The following USH1C variants were observed in gnomAD, a reference collection of about 807,000 sequenced individuals.
The protein encoded by USH1C is USH1 protein network component harmonin, also known as harmonin.
A neutral mutation model predicts 119.3 loss-of-function variants in USH1C; 90 were observed. That is an observed-to-expected ratio of 0.75 (90% CI 0.64 to 0.90). The LOEUF (loss-of-function observed/expected upper bound fraction) is 0.90, where lower values mean the gene tolerates loss of function less well. USH1C is among the 40% of genes least tolerant of loss of function. The probability of loss-of-function intolerance (pLI) is 0.00; values close to 1 mark genes in which losing one functional copy is unlikely to be tolerated. For missense variants in USH1C, 1,165 were observed against 1,167.7 expected (o/e 1.00, Z 0.03); for synonymous variants, 465 against 443.3 (o/e 1.05, Z -0.62).
At chr11:17,494,511 TG>T (rs975785021) in intron 26 of USH1C, 135 bp from the exon 27 acceptor site, 49 of 990,614 alleles carry the variant, frequency 4.9e-5, no homozygotes, top group Middle Eastern at 2.9e-4. Context: ...GAGACCCCTC[TG>T]GGTGCAGGCC....
At chr11:17,533,026 A>G (rs949542258) in intron 2 of USH1C, among the ~76,000 whole-genome samples, 16 of 152,218 alleles carry the variant, frequency 1.1e-4, no homozygotes, top group Non-Finnish European at 1.9e-4. Flanking sequence ...ACCTGAAAAC[A>G]GAGACCAATC....
intron 1 of USH1C, among the ~76,000 whole-genome samples, chr11:17,536,359 G>C (rs78484388): frequency 0.011 from 1,717 of 152,330 alleles, 36 homozygotes; most frequent in African/African-American, 0.037. Flanking sequence ...TCAGTAGTGA[G>C]GAACTGTCCT....
chr11:17,530,383 G>T (rs1850907772), intron 4 of USH1C, among the ~76,000 whole-genome samples: 1 of 152,184 alleles, frequency 6.6e-6, no homozygotes, highest in South Asian at 2.1e-4. Flanking sequence ...GCAGTCAGGA[G>T]ACCCAGTTAG....
chr11:17,522,832 G>T lies in USH1C; in HGVS notation c.971C>A (p.Ala324Glu), dbSNP rs756062744. ...RQELLMQKRLAMESNKILQEQ... is the reference protein window; with the variant it reads ...RQELLMQKRLEMESNKILQEQ... ...CTGGAGGATCTTGTTGGACTCCATC[G>T]CCAGCCGCTTCTGCATGAGAAGCTC... The change falls in exon 12 of 27, where the codon GCG becomes GAG. Residue 324 changes from alanine (A) to glutamate (E), a missense_variant. By Grantham distance (107) the Ala-to-Glu change is moderately radical. Coordinates refer to ENST00000005226, the MANE Select transcript of USH1C (RefSeq NM_153676.4). The T allele has an allele frequency of 4.3e-6, 7 of 1,613,302 alleles. No individual in the cohort carries two copies. The Admixed American group carries it at 1.0e-4, about 23-fold the overall frequency.
Position 17,495,680 on chromosome 11 carries a change from A to C in USH1C, c.2547-3T>G. The C allele has an allele frequency of 2.5e-6, 4 of 1,613,834 alleles. No individual in the cohort carries two copies. The South Asian group carries it at 4.4e-5, about 18-fold the overall frequency. ...CTACGGAGGAGGGAAGAGAAGCTCT[A>C]TATATACAGAGCAGAGCAAGAAACA... On this transcript the variant is annotated splice_polypyrimidine_tract_variant and splice_region_variant and intron_variant, in intron 25 of 26. Transcript: ENST00000005226.
chr11:17,517,510 A>C, intron 14 of USH1C: 1 of 1,561,542 alleles, frequency 6.4e-7, no homozygotes, highest in Non-Finnish European at 8.7e-7. Flanking sequence ...TGGTGAACCA[A>C]AAGGGACTTG....
At chr11:17,512,865 C>A (rs1849955563) in intron 15 of USH1C, among the ~76,000 whole-genome samples, 1 of 152,132 alleles carries the variant, frequency 6.6e-6, no homozygotes, top group Non-Finnish European at 1.5e-5. Context: ...TGGGGAGGGA[C>A]ATGAAAGGCA....
At chr11:17,540,988 G>A (rs1851441919) in intron 1 of USH1C, among the ~76,000 whole-genome samples, 1 of 152,150 alleles carries the variant, frequency 6.6e-6, no homozygotes, top group Admixed American at 6.5e-5. Context: ...ATTCCTCTGG[G>A]ACACACTGTC....
chr11:17,522,788 G>T lies in USH1C; in HGVS notation c.1015C>A (p.Arg339=). ...KILQEQQEME[R]QRRKEIAQKA... is the part of the protein sequence containing the mutation. ...TCCAGGGCTGGCTGCACTCACTGCC[G>T]CTCCATCTCCTGCTGCTCCTGGAGG... The change falls in exon 12 of 27, where the codon CGG becomes AGG. Residue 339 remains arginine, a synonymous_variant. Coordinates refer to ENST00000005226, the MANE Select transcript of USH1C (RefSeq NM_153676.4). 3 of 1,613,894 alleles carry T rather than the reference G, an allele frequency of 1.9e-6. No homozygotes were observed. The South Asian group carries it at 3.3e-5, about 18-fold the overall frequency.
At chr11:17,525,117 T>G (rs1057114288) in intron 8 of USH1C, among the ~76,000 whole-genome samples, 1 of 152,044 alleles carries the variant, frequency 6.6e-6, no homozygotes, top group East Asian at 1.9e-4. Flanking sequence ...CCTAGATTGG[T>G]GGCAGAAGTC....
chr11:17,518,798 T>C (rs886732315), intron 14 of USH1C, among the ~76,000 whole-genome samples: 2 of 152,080 alleles, frequency 1.3e-5, no homozygotes, highest in Non-Finnish European at 2.9e-5. Flanking sequence ...GACGGGCAGA[T>C]CACCTGAGGC....
rs377510653 is a variant in USH1C at position 17,531,180 on chromosome 11, C to T, written c.361G>A (p.Gly121Ser). ...GLFISHLIKGGQADSVGLQVG... is the reference protein window; with the variant it reads ...GLFISHLIKGSQADSVGLQVG... ...TGGAGCCCGACGCTGTCTGCCTGAC[C>T]GCCTTTGATGAGGTGGGAGATGAAG... is the stretch of plus-strand genomic sequence containing the variant. Residue 121 changes from glycine to serine, a missense_variant, in exon 4 of 27, where the codon GGT becomes AGT. Coordinates refer to ENST00000005226, the MANE Select transcript of USH1C (RefSeq NM_153676.4). The surrounding 1 kb of genome is among the most constrained non-coding windows in gnomAD (Gnocchi z 4.2). 5.4e-5 allele frequency: 87 copies of T among 1,614,014 alleles called. No homozygotes were observed. Among genetic ancestry groups the T allele is most frequent in the East Asian group, 1.6e-4 (7 of 44,890 alleles).
chr11:17,516,448 G>T, intron 14 of USH1C, 158 bp from the exon 15 acceptor site: 1 of 752,938 alleles, frequency 1.3e-6, no homozygotes, highest in East Asian at 2.8e-5. Flanking sequence ...TGTCCAACTC[G>T]GCTTACCTGG....
intron 18 of USH1C, among the ~76,000 whole-genome samples, chr11:17,507,423 G>A (rs1329150486): frequency 6.6e-6 from 1 of 152,198 alleles, no homozygotes; most frequent in Non-Finnish European, 1.5e-5. Flanking sequence ...AATCTGAGAA[G>A]TCTGGACTCT....
At chr11:17,506,666 T>C (rs528091870) in intron 18 of USH1C, among the ~76,000 whole-genome samples, 1 of 152,348 alleles carries the variant, frequency 6.6e-6, no homozygotes, top group South Asian at 2.1e-4. Context: ...CTTTCTTGCC[T>C]TGAGGCCTTT....
chr11:17,511,346 G>C (rs931589534), intron 16 of USH1C, among the ~76,000 whole-genome samples: 1 of 152,012 alleles, frequency 6.6e-6, no homozygotes, highest in South Asian at 2.1e-4. Flanking sequence ...GGTGGGGGGG[G>C]GTCTGGTCTT....
chr11:17,521,127 G>C, intron 13 of USH1C, 133 bp from the exon 14 acceptor site: 1 of 1,296,866 alleles, frequency 7.7e-7, no homozygotes, highest in Non-Finnish European at 1.1e-6. Context: ...CAAAGTCCCC[G>C]AGCTTGTATT....
intron 20 of USH1C, 37 bp downstream of exon 20, chr11:17,504,610 G>C: frequency 6.2e-7 from 1 of 1,610,406 alleles, no homozygotes; most frequent in Non-Finnish European, 8.5e-7. Flanking sequence ...CGGGGGTGGT[G>C]GGGAGACCTC....
intron 21 of USH1C, 123 bp from the exon 22 acceptor site, chr11:17,501,658 G>A: frequency 2.5e-6 from 3 of 1,190,176 alleles, no homozygotes; most frequent in Non-Finnish European, 3.6e-6. Context: ...TGGGCAAGGG[G>A]ACCGTGCCCA....
Sources: gnomAD v4.1 joint callset for allele counts (sites outside exome capture counted in the v4.1 genomes callset) on GRCh38, gnomAD v4.1.1 for gene constraint, Gnocchi (gnomAD v3.1) non-coding constraint, MANE v1.5 for transcripts, NCBI Gene and HGNC (gene_info 2026-07-23, HGNC 2026-07-21) for gene names.